The following IFT122 variants were observed in gnomAD, a reference collection of about 807,000 sequenced individuals.
IFT122 encodes the protein intraflagellar transport 122.
In IFT122, 118 loss-of-function variants were observed where a neutral mutation model predicts 161.6. The observed-to-expected ratio is 0.73, with a 90% confidence interval of 0.63 to 0.85. The LOEUF is 0.85. Ranked by LOEUF, IFT122 falls within the 40% of genes least tolerant of loss-of-function variation. The pLI is 0.00. For synonymous variants in IFT122, 550 were observed against 602.4 expected (o/e 0.91, Z 1.27); for missense variants, 1,381 against 1,579.6 (o/e 0.87, Z 2.13).
At chr3:129,497,275 AT>A (rs2080979018) in intron 18 of IFT122, among the ~76,000 whole-genome samples, 1 of 152,174 alleles carries the variant, frequency 6.6e-6, no homozygotes, top group Non-Finnish European at 1.5e-5. Flanking sequence ...TCAAAAAAAA[AT>A]AATAAAATGC....
rs934123828 is a variant in IFT122 at position 129,478,073 on chromosome 3, C to A, written c.1205C>A (p.Ala402Asp). The A allele has an allele frequency of 6.2e-7, 1 of 1,614,066 alleles. No individual in the cohort carries two copies. The highest frequency in any genetic ancestry group is 8.5e-7 in the Non-Finnish European group (1 of 1,180,010). Residue 402 changes from alanine to aspartate, a missense_variant, in exon 12 of 30, where the codon GCT becomes GAT. Physicochemically the swap from Ala to Asp is moderately radical, Grantham distance 126. Around this residue, in one of 7 missense-constraint regions of IFT122, gnomAD observed 544 missense variants for 648.0 expected, o/e 0.84. Transcript: ENST00000348417. ...ATTGCCATCTACAGAAATCGATTGG[C>A]TATCCAACTGCCAGAGAAAATCCTC... ...KKIAIYRNRL[A>D]IQLPEKILIY... is the part of the protein sequence containing the mutation.
In IFT122 at chr3:129,476,466, G is replaced by A. The variant is rs771348236; in HGVS notation, c.968G>A (p.Trp323Ter). ...RLGTVGEQNSWVWTCQAKPDS... is the reference protein window; with the variant it reads ...RLGTVGEQNS The stretch of plus-strand genomic sequence containing the variant: ...GGGACTGTTGGGGAGCAGAACTCCT[G>A]GGTGTGGACGTGTCAAGCGAAACCG... Residue 323 changes from tryptophan (W) to a stop codon, truncating the protein, a stop_gained, in exon 10 of 30, where the codon TGG becomes TAG. Transcript: ENST00000348417. LOFTEE classifies it high-confidence loss of function. 6.2e-7 allele frequency: 1 copy of A among 1,614,148 alleles called. No homozygotes were observed. Among genetic ancestry groups the A allele is most frequent in the Non-Finnish European group, 8.5e-7 (1 of 1,180,036 alleles).
Position 129,476,562 on chromosome 3 carries a change from C to T in IFT122, c.1008+56C>T, listed in dbSNP as rs965733331. The T allele has an allele frequency of 5.1e-5, 83 of 1,612,820 alleles. No homozygotes were observed. In the African/African-American group the frequency reaches 8.7e-4, roughly 17 times the overall value. ...ATGGCTTGAAGAGGCACTGAGCAGC[C>T]GCCGTGTCTCGAGTCACATCACTGG... On this transcript the variant is annotated intron_variant, in intron 10 of 29. Transcript: ENST00000348417.
intron 3 of IFT122, among the ~76,000 whole-genome samples, chr3:129,458,361 A>G (rs2075779843): frequency 6.6e-6 from 1 of 152,216 alleles, no homozygotes; most frequent in Admixed American, 6.5e-5. Flanking sequence ...CCTAGCATAG[A>G]ACATGACAGC....
intron 16 of IFT122, 60 bp downstream of exon 16, chr3:129,488,457 G>T (rs2079587998): frequency 8.7e-6 from 14 of 1,610,366 alleles, no homozygotes; most frequent in Non-Finnish European, 1.1e-5. Flanking sequence ...TAAGAAGGCA[G>T]ATGGGGACCC....
At chr3:129,518,842 G>A (rs1436677083) in intron 27 of IFT122, among the ~76,000 whole-genome samples, 4 of 152,206 alleles carry the variant, frequency 2.6e-5, no homozygotes, top group African/African-American at 4.8e-5. Context: ...GTGCCTACCC[G>A]CAGTGGCTCA....
intron 27 of IFT122, among the ~76,000 whole-genome samples, chr3:129,518,685 G>A (rs1369243248): frequency 6.6e-6 from 1 of 152,178 alleles, no homozygotes; most frequent in African/African-American, 2.4e-5. Context: ...CACTGTGGGA[G>A]AGGGGCGGTT....
intron 9 of IFT122, among the ~76,000 whole-genome samples, chr3:129,471,588 C>T (rs2077376983): frequency 6.6e-6 from 1 of 152,214 alleles, no homozygotes; most frequent in Non-Finnish European, 1.5e-5. Flanking sequence ...CAGGAAATAT[C>T]TTGCATGTAT....
Position 129,514,492 on chromosome 3 carries a change from T to C in IFT122, c.3091T>C (p.Phe1031Leu), listed in dbSNP as rs1370633239. The C allele has an allele frequency of 6.2e-7, 1 of 1,614,210 alleles. No homozygotes were observed. The highest frequency in any genetic ancestry group is 1.1e-5 in the South Asian group (1 of 91,080). The change falls in exon 25 of 30, where the codon TTC becomes CTC. Residue 1031 changes from phenylalanine (F) to leucine (L), a missense_variant. This residue lies in a region of IFT122 where 496 missense variants were observed against 502.5 expected (regional missense o/e 0.99). Transcript: ENST00000348417. ...GCGTGGCCTGTACATCCCTGCCAGATTCCAAAAGTCCATTGAGCTGGGTAC... is the reference window on the plus strand; with the variant it reads ...GCGTGGCCTGTACATCCCTGCCAGACTCCAAAAGTCCATTGAGCTGGGTAC... ...KLRGLYIPAR[F>L]QKSIELGTLT...
intron 1 of IFT122, among the ~76,000 whole-genome samples, chr3:129,441,008 A>G (rs1041484600): frequency 1.3e-5 from 2 of 152,212 alleles, no homozygotes; most frequent in African/African-American, 4.8e-5. Context: ...GGTGCTCAAA[A>G]TGAGCACCAA....
intron 16 of IFT122, among the ~76,000 whole-genome samples, chr3:129,490,692 G>A (rs144411048): frequency 1.3e-5 from 2 of 152,308 alleles, no homozygotes; most frequent in African/African-American, 2.4e-5. Context: ...GACCTCGAAT[G>A]CTCCTTTCCC....
intron 1 of IFT122, 135 bp from the exon 2 acceptor site, chr3:129,449,736 G>A (rs2074518230): frequency 1.3e-5 from 9 of 718,202 alleles, no homozygotes; most frequent in South Asian, 8.7e-5. Context: ...TGCAACAAAT[G>A]CAATTCGTAG....
chr3:129,467,205 AAG>A (rs1357428819), intron 8 of IFT122, 139 bp downstream of exon 8: 1 of 722,996 alleles, frequency 1.4e-6, no homozygotes, highest in East Asian at 2.7e-5. Context: ...CCTTCAAAAA[AAG>A]GAGACATACC....
At chr3:129,445,655 C>T (rs13091606) in intron 1 of IFT122, among the ~76,000 whole-genome samples, 2,399 of 152,314 alleles carry the variant, frequency 0.016, 29 homozygotes, top group Non-Finnish European at 0.025. Flanking sequence ...CAAGCACAGA[C>T]TCTAGAGTCA....
At chr3:129,459,013 C>T (rs1273148314) in intron 4 of IFT122, among the ~76,000 whole-genome samples, 1 of 152,164 alleles carries the variant, frequency 6.6e-6, no homozygotes, top group Non-Finnish European at 1.5e-5. Flanking sequence ...TGTCAAATGT[C>T]AGAAACTTGG....
intron 21 of IFT122, 130 bp downstream of exon 21, chr3:129,504,551 G>C: frequency 1.3e-6 from 1 of 777,998 alleles, no homozygotes; most frequent in Non-Finnish European, 2.2e-6. Context: ...CTGGGGATGT[G>C]ATTGTTTGGT....
intron 3 of IFT122, among the ~76,000 whole-genome samples, chr3:129,456,815 C>T (rs1378632988): frequency 1.3e-5 from 2 of 152,174 alleles, no homozygotes; most frequent in East Asian, 3.9e-4. Flanking sequence ...ACTCGGGAGG[C>T]TGAGGCAGGA....
intron 4 of IFT122, among the ~76,000 whole-genome samples, chr3:129,459,001 A>T (rs1425012883): frequency 6.6e-6 from 1 of 152,154 alleles, no homozygotes; most frequent in Non-Finnish European, 1.5e-5. Context: ...ATATCCACCC[A>T]GTGTCAAATG....
intron 20 of IFT122, among the ~76,000 whole-genome samples, chr3:129,503,707 G>T (rs2081886310): frequency 6.6e-6 from 1 of 152,142 alleles, no homozygotes; most frequent in Non-Finnish European, 1.5e-5. Flanking sequence ...GAAAAGGTGG[G>T]GCTAGGGACA....
Sources: allele counts gnomAD v4.1 joint callset (sites outside exome capture counted in the v4.1 genomes callset), GRCh38; gene constraint gnomAD v4.1.1; regional missense constraint gnomAD v4.1.1; transcripts MANE v1.5; gene names NCBI Gene and HGNC (gene_info 2026-07-23, HGNC 2026-07-21).